Variants in TJP1 observed in about 807,000 individuals in gnomAD.
TJP1 encodes tight junction protein 1.
TJP1 carries 43 observed loss-of-function variants against 194.2 expected under a neutral mutation model. The observed-to-expected ratio is 0.22, with a 90% confidence interval of 0.17 to 0.29. TJP1 has a LOEUF of 0.29. TJP1 is among the 10% of genes least tolerant of loss of function. TJP1 has a pLI of 1.00. For missense variants in TJP1, 1,971 were observed against 2,185.7 expected, an observed-to-expected ratio of 0.90 and a Z score of 1.96; for synonymous variants, 801 against 779.0, an observed-to-expected ratio of 1.03 and a Z score of -0.47.
chr15:29,817,145 G>A (rs897739906), intron 1 of TJP1, among the ~76,000 whole-genome samples: 23 of 152,098 alleles, frequency 1.5e-4, no homozygotes, highest in African/African-American at 5.1e-4. Flanking sequence ...ACTGGGCAAA[G>A]AATATGAACA....
intron 2 of TJP1, among the ~76,000 whole-genome samples, chr15:29,922,135 C>A (rs1485840158): frequency 1.3e-5 from 2 of 152,262 alleles, no homozygotes; most frequent in South Asian, 2.1e-4. Flanking sequence ...GTGTGAGCCA[C>A]CGCACCCGGA....
At chr15:29,777,290 C>A (rs756833556) in intron 2 of TJP1, among the ~76,000 whole-genome samples, 8 of 152,080 alleles carry the variant, frequency 5.3e-5, no homozygotes, top group Non-Finnish European at 8.8e-5. Flanking sequence ...GGCTACAAAG[C>A]CCACAGTTTT....
chr15:29,740,183 G>A (rs574144952), intron 10 of TJP1, among the ~76,000 whole-genome samples: 1 of 152,012 alleles, frequency 6.6e-6, no homozygotes, highest in East Asian at 2.0e-4. Flanking sequence ...CACCATGTTA[G>A]CCAGGATGGT....
intron 2 of TJP1, among the ~76,000 whole-genome samples, chr15:29,830,683 A>AT (rs1215905733): frequency 1.3e-5 from 2 of 151,400 alleles, no homozygotes; most frequent in African/African-American, 4.8e-5. Flanking sequence ...CTCAGCATTA[A>AT]TTTTTTTTTA....
intron 18 of TJP1, among the ~76,000 whole-genome samples, chr15:29,723,000 G>A (rs1434934822): frequency 6.6e-6 from 1 of 152,154 alleles, no homozygotes; most frequent in Non-Finnish European, 1.5e-5. Flanking sequence ...CAATGTTTAT[G>A]TCCCCTTTGT....
chr15:29,887,590 C>T (rs938548707), intron 2 of TJP1, among the ~76,000 whole-genome samples: 21 of 151,870 alleles, frequency 1.4e-4, no homozygotes, highest in African/African-American at 3.9e-4. Flanking sequence ...CATGAGCCAC[C>T]GCACCTGGCC....
At chr15:29,940,162 A>G (rs1001641819) in intron 2 of TJP1, among the ~76,000 whole-genome samples, 1 of 152,186 alleles carries the variant, frequency 6.6e-6, no homozygotes, top group South Asian at 2.1e-4. Flanking sequence ...CTACAAAGTC[A>G]TAACTAGAAA....
chr15:29,806,630 T>C (rs570634063), intron 1 of TJP1, among the ~76,000 whole-genome samples: 13 of 152,232 alleles, frequency 8.5e-5, no homozygotes, highest in Non-Finnish European at 1.5e-4. Context: ...TCCATCCAAA[T>C]TGAAAGCAAG....
intron 2 of TJP1, among the ~76,000 whole-genome samples, chr15:29,777,078 T>C (rs1409958321): frequency 2.0e-5 from 3 of 152,142 alleles, no homozygotes; most frequent in Admixed American, 6.6e-5. Flanking sequence ...ACAAGTACTT[T>C]AGTACAAGGC....
chr15:29,726,922 T>G lies in TJP1; in HGVS notation c.2170A>C (p.Ile724Leu), dbSNP rs1192949233. The G allele has an allele frequency of 3.1e-6, 5 of 1,614,052 alleles. No homozygotes were observed. The highest frequency in any genetic ancestry group is 4.2e-6 in the Non-Finnish European group (5 of 1,180,034). The change falls in exon 17 of 28, where the codon ATT becomes CTT. Residue 724 changes from isoleucine to leucine, a missense_variant. By Grantham distance (5) the Ile-to-Leu change is conservative (BLOSUM62 2). This residue lies in a region of TJP1 where 402 missense variants were observed against 484.2 expected (regional missense o/e 0.83). Transcript: ENST00000614355. The part of the protein sequence containing the change: ...DRLNYAQWYP[I>L]VVFLNPDSKQ... ...GAATCAGGGTTAAGAAATACAACAA[T>G]TGGATACCACTGGGCATAGTTAAGA...
chr15:29,936,985 T>C (rs961012157), intron 2 of TJP1, among the ~76,000 whole-genome samples: 2 of 152,220 alleles, frequency 1.3e-5, no homozygotes, highest in Admixed American at 6.5e-5. Flanking sequence ...CAAACACCCA[T>C]GTTATAACAA....
At chr15:29,871,598 C>T (rs368673757) in intron 2 of TJP1, among the ~76,000 whole-genome samples, 2 of 152,228 alleles carry the variant, frequency 1.3e-5, no homozygotes, top group African/African-American at 4.8e-5. Context: ...GCGTTAGTCA[C>T]GTAGGAGACG....
intron 2 of TJP1, among the ~76,000 whole-genome samples, chr15:29,951,297 A>G (rs2055743430): frequency 6.6e-6 from 1 of 151,960 alleles, no homozygotes; most frequent in African/African-American, 2.4e-5. Flanking sequence ...CCTCCCAAGT[A>G]GCTGGGATTA....
intron 23 of TJP1, 66 bp downstream of exon 23, chr15:29,716,545 A>C (rs2042573841): frequency 8.3e-7 from 1 of 1,203,442 alleles, no homozygotes; most frequent in South Asian, 1.4e-5. Context: ...TTTCTTCAAA[A>C]TATATTGAAC....
In TJP1 at chr15:29,741,395, C is replaced by T; in HGVS notation, c.1192G>A (p.Asp398Asn). 1 of 1,604,628 alleles carries T rather than the reference C, an allele frequency of 6.2e-7. No homozygotes were observed. Among genetic ancestry groups the T allele is most frequent in the Non-Finnish European group, 8.5e-7 (1 of 1,177,054 alleles). Residue 398 changes from aspartate (D) to asparagine (N), a missense_variant, in exon 10 of 28, where the codon GAT becomes AAT. By Grantham distance (23) the Asp-to-Asn change is conservative. Coordinates refer to ENST00000614355, the MANE Select transcript of TJP1 (RefSeq NM_001330239.4). ...CCATCAGATGGACTGACAGGTAAAT[C>T]CACATCTGGTTGCCCAACTTGGGCA... Reference protein sequence around the residue: ...VYAQVGQPDVDLPVSPSDGVL... With the variant: ...VYAQVGQPDVNLPVSPSDGVL...
intron 2 of TJP1, among the ~76,000 whole-genome samples, chr15:29,953,933 C>T (rs533789504): frequency 6.6e-6 from 1 of 152,304 alleles, no homozygotes; most frequent in South Asian, 2.1e-4. Flanking sequence ...AACCATTACA[C>T]CAGAACATAC....
At chr15:29,820,551 CG>C (rs1423261261) in intron 1 of TJP1, 4 of 716,766 alleles carry the variant, frequency 5.6e-6, no homozygotes, top group Admixed American at 2.0e-5. Context: ...CCATTGAAAA[CG>C]TATTTCTCTC....
chr15:29,957,456 AATGCTC>A (rs142865375), intron 1 of TJP1, among the ~76,000 whole-genome samples: 6,765 of 152,198 alleles, frequency 0.044, 195 homozygotes, highest in Non-Finnish European at 0.071. Context: ...CTCCCAGACA[AATGCTC>A]ATGCTTATAT....
chr15:29,772,364 C>CTG (rs1200899827), intron 3 of TJP1, among the ~76,000 whole-genome samples, 198 bp from the exon 4 acceptor site: 20 of 152,276 alleles, frequency 1.3e-4, no homozygotes, highest in Admixed American at 6.5e-4. Flanking sequence ...AAGTAACTAA[C>CTG]CACAGGTCCT....
Sources: allele counts gnomAD v4.1 joint callset (sites outside exome capture counted in the v4.1 genomes callset), GRCh38; gene constraint gnomAD v4.1.1; regional missense constraint gnomAD v4.1.1; transcripts MANE v1.5; gene names NCBI Gene and HGNC (gene_info 2026-07-23, HGNC 2026-07-21).